The following ADAMTS17 variants were observed in gnomAD, a reference collection of about 807,000 sequenced individuals.
The protein encoded by ADAMTS17 is A disintegrin and metalloproteinase with thrombospondin motifs 17.
In ADAMTS17, 113 loss-of-function variants were observed where a neutral mutation model predicts 141.5. That is an observed-to-expected ratio of 0.80 (90% CI 0.69 to 0.93). The LOEUF is 0.93. Among genes scored for constraint, ADAMTS17 ranks in the 40% least tolerant of loss-of-function variants. The pLI is 0.00. For missense variants in ADAMTS17, 1,659 were observed against 1,517.9 expected (o/e 1.09, Z -1.54); for synonymous variants, 768 against 630.6 (o/e 1.22, Z -3.27).
intron 15 of ADAMTS17, among the ~76,000 whole-genome samples, chr15:100,090,241 C>T (rs943411546): frequency 6.6e-6 from 1 of 152,094 alleles, no homozygotes; most frequent in Admixed American, 6.6e-5. Context: ...AAAAGTTGTT[C>T]GGGGTCAAAG....
chr15:100,115,111 C>G (rs1283823584), intron 13 of ADAMTS17, among the ~76,000 whole-genome samples: 1 of 152,204 alleles, frequency 6.6e-6, no homozygotes, highest in Non-Finnish European at 1.5e-5. Flanking sequence ...GTATCTTTAT[C>G]TGGCATGCCG....
chr15:100,007,485 A>G (rs533452149), intron 18 of ADAMTS17, among the ~76,000 whole-genome samples: 1 of 151,642 alleles, frequency 6.6e-6, no homozygotes, highest in African/African-American at 2.4e-5. Flanking sequence ...CAATGGCACG[A>G]TCTCGACTCA....
At chr15:100,009,603 A>G (rs2061117325) in intron 18 of ADAMTS17, among the ~76,000 whole-genome samples, 1 of 152,110 alleles carries the variant, frequency 6.6e-6, no homozygotes, top group South Asian at 2.1e-4. Flanking sequence ...CCGAGCACTC[A>G]GCCCAGGCCT....
rs1041754138 is a variant in ADAMTS17 at position 100,108,852 on chromosome 15, C to T, written c.2016+137G>A. 762 of 1,446,194 alleles carry T rather than the reference C, an allele frequency of 5.3e-4. 1 individual carries two copies. The highest frequency in any genetic ancestry group is 6.2e-4 in the Non-Finnish European group (647 of 1,046,754). The allele number at this position is 1,446,194 out of a possible 1,614,324, so 89.6% of individuals were successfully genotyped here. A position where few individuals can be genotyped will look rare whatever the true frequency, so the allele number is the denominator to read the frequency against. On this transcript the variant is annotated intron_variant, in intron 14 of 21. Transcript: ENST00000268070. ...ACCAGGCAACACTGGCGGCAGGAGG[C>T]GGCATCACTGGGTGCCTTCCTAAGA...
At chr15:100,052,446 C>T (rs866902549) in intron 16 of ADAMTS17, among the ~76,000 whole-genome samples, 10 of 152,214 alleles carry the variant, frequency 6.6e-5, no homozygotes, top group Non-Finnish European at 1.0e-4. Context: ...ACTTCAGTTA[C>T]GGTAGTAGTT....
rs1567101588 is a variant in ADAMTS17, at chr15:100,058,201, C to CT, written c.2138-4148_2138-4147insA. On this transcript the variant is annotated intron_variant, in intron 15 of 21. Coordinates refer to ENST00000268070, the MANE Select transcript of ADAMTS17 (RefSeq NM_139057.4). Reference sequence around the variant, plus strand: ...CGGCTCTAACACCCCTATCCCAGCTCCAACACCCCTATTCCGGCTCCAACA... The same window carrying CT: ...CGGCTCTAACACCCCTATCCCAGCTCTCAACACCCCTATTCCGGCTCCAACA... 8.2e-4 allele frequency among the ~76,000 whole-genome samples: 25 copies of CT among 30,368 alleles called. 1 individual carries two copies. The highest frequency in any genetic ancestry group is 1.2e-3 in the East Asian group (3 of 2,522). The allele number at this position is 30,368 out of a possible 152,430, so 19.9% of individuals were successfully genotyped here.
At chr15:100,035,170 C>T (rs1418758946) in intron 18 of ADAMTS17, among the ~76,000 whole-genome samples, 1 of 152,134 alleles carries the variant, frequency 6.6e-6, no homozygotes, top group African/African-American at 2.4e-5. Flanking sequence ...CATGCAGTTC[C>T]CCAGCAATGC....
intron 7 of ADAMTS17, among the ~76,000 whole-genome samples, chr15:100,214,813 G>A (rs1302136402): frequency 1.3e-5 from 2 of 152,170 alleles, no homozygotes; most frequent in African/African-American, 2.4e-5. Context: ...ACGCACAAGC[G>A]ACACGGCACA....
intron 2 of ADAMTS17, among the ~76,000 whole-genome samples, chr15:100,332,211 G>A (rs997512357): frequency 1.3e-5 from 2 of 152,234 alleles, no homozygotes; most frequent in African/African-American, 4.8e-5. Flanking sequence ...TGACCTGCAG[G>A]AGAGCACAGC....
intron 9 of ADAMTS17, among the ~76,000 whole-genome samples, chr15:100,153,552 G>A (rs2039291054): frequency 6.6e-6 from 1 of 152,146 alleles, no homozygotes. Flanking sequence ...GCTGAAGCAG[G>A]AGAATTACTT....
At chr15:100,146,297 C>G (rs866042143) in intron 10 of ADAMTS17, among the ~76,000 whole-genome samples, 1 of 152,192 alleles carries the variant, frequency 6.6e-6, no homozygotes, top group African/African-American at 2.4e-5. Context: ...GGCAGAAGAA[C>G]GTGGATTGTG....
chr15:100,060,313 T>C (rs2033016629), intron 15 of ADAMTS17, among the ~76,000 whole-genome samples: 1 of 152,350 alleles, frequency 6.6e-6, no homozygotes, highest in East Asian at 1.9e-4. Context: ...ACACTTTCCT[T>C]TGCCACCAGG....
At chr15:100,091,460 C>T (rs985040602) in intron 15 of ADAMTS17, among the ~76,000 whole-genome samples, 5 of 152,134 alleles carry the variant, frequency 3.3e-5, no homozygotes, top group South Asian at 2.1e-4. Context: ...ATGCCTTTGC[C>T]GTGGTTCCAG....
chr15:100,093,913 TA>T (rs2035613748), intron 15 of ADAMTS17, among the ~76,000 whole-genome samples: 1 of 152,104 alleles, frequency 6.6e-6, no homozygotes, highest in African/African-American at 2.4e-5. Flanking sequence ...TTTGTATCTC[TA>T]AAGTGCATTC....
intron 3 of ADAMTS17, among the ~76,000 whole-genome samples, chr15:100,308,059 T>A (rs2141844331): frequency 6.6e-6 from 1 of 152,340 alleles, no homozygotes; most frequent in East Asian, 1.9e-4. Context: ...GGTAAGCTCA[T>A]CTACTTCATT....
rs2036853187 is a variant in ADAMTS17 at position 100,112,536 on chromosome 15, TG to T, written c.1889-3421del. Among the ~76,000 whole-genome samples, 11 of 152,216 alleles carry T rather than the reference TG, an allele frequency of 7.2e-5. No individual in the cohort carries two copies. In the South Asian group the frequency reaches 1.7e-3, roughly 23 times the overall value. On this transcript the variant is annotated intron_variant, in intron 13 of 21. Transcript: ENST00000268070. ...CTATTTCCCTCCAGGTTGCCTTAGG[TG>T]GGAGATTAATCTCCAGGAACAAGAC...
chr15:100,075,759 C>T (rs936291063), intron 15 of ADAMTS17, among the ~76,000 whole-genome samples: 3 of 152,136 alleles, frequency 2.0e-5, no homozygotes, highest in African/African-American at 7.2e-5. Flanking sequence ...TCTCCTTTGC[C>T]TTCTGCAGTG....
At chr15:100,102,873 C>T (rs532832947) in intron 14 of ADAMTS17, among the ~76,000 whole-genome samples, 3 of 152,272 alleles carry the variant, frequency 2.0e-5, no homozygotes, top group South Asian at 4.2e-4. Context: ...GATGCACCCT[C>T]GGACTTGTTT....
chr15:100,207,067 T>C (rs542069267), intron 7 of ADAMTS17, among the ~76,000 whole-genome samples: 271 of 152,300 alleles, frequency 1.8e-3, no homozygotes, highest in Non-Finnish European at 3.3e-3. Flanking sequence ...GAAGCCCTAA[T>C]CTCCAATGTC....
Sources: gnomAD v4.1 joint callset for allele counts (sites outside exome capture counted in the v4.1 genomes callset) on GRCh38, gnomAD v4.1.1 for gene constraint, MANE v1.5 for transcripts, NCBI Gene and HGNC (gene_info 2026-07-23, HGNC 2026-07-21) for gene names.